The following FCGR2B variants were observed in gnomAD, a reference collection of about 807,000 sequenced individuals.
The protein encoded by FCGR2B is low affinity immunoglobulin gamma Fc region receptor II-b.
In FCGR2B, 18 loss-of-function variants were observed where a neutral mutation model predicts 24.8. The observed-to-expected ratio is 0.73, with a 90% CI of 0.50 to 1.08. The LOEUF is 1.08. FCGR2B is among the 50% of genes least tolerant of loss of function. FCGR2B has a pLI of 0.00. For missense variants in FCGR2B, 215 were observed against 297.6 expected (o/e 0.72, Z 2.04); for synonymous variants, 79 against 109.8 (o/e 0.72, Z 1.75).
chr1:161,670,936 TCTCCA>T (rs1407079403), intron 2 of FCGR2B, among the ~76,000 whole-genome samples: 2 of 150,274 alleles, frequency 1.3e-5, no homozygotes, highest in Non-Finnish European at 3.0e-5. Flanking sequence ...ATGCCTGCCA[TCTCCA>T]CCAGAGCCCC....
At chr1:161,673,269 G>A (rs1346077369) in intron 4 of FCGR2B, 40 bp downstream of exon 4, 1 of 1,584,814 alleles carries the variant, frequency 6.3e-7, no homozygotes, top group East Asian at 2.2e-5. Context: ...GGGAGAAGAG[G>A]GGATGGACAA....
At chr1:161,676,319 G>C (rs888833007) in intron 6 of FCGR2B, 3 of 198,168 alleles carry the variant, frequency 1.5e-5, no homozygotes, top group African/African-American at 6.9e-5. Flanking sequence ...CTTGCAGCAA[G>C]GTCGCATGTC....
rs2102668380 is a variant in FCGR2B at position 161,673,182 on chromosome 1, T to C, written c.599T>C (p.Ile200Thr). ...HSGDYHCTGN[I>T]GYTLYSSKPV... ...GGTGATTACCACTGCACAGGAAACATAGGCTACACGCTGTACTCATCCAAG... is the reference window on the plus strand; with the variant it reads ...GGTGATTACCACTGCACAGGAAACACAGGCTACACGCTGTACTCATCCAAG... Residue 200 changes from isoleucine (I) to threonine (T), a missense_variant, in exon 4 of 8, where the codon ATA (isoleucine) becomes ACA (threonine). By Grantham distance (89) the Ile-to-Thr change is moderately conservative. This residue lies in a region of FCGR2B where 16 missense variants were observed against 46.6 expected (regional missense o/e 0.34). Coordinates refer to ENST00000358671, the MANE Select transcript of FCGR2B (RefSeq NM_001394477.1). 3 of 1,610,486 alleles carry C rather than the reference T, an allele frequency of 1.9e-6. No homozygotes were observed. Among genetic ancestry groups the C allele is most frequent in the Non-Finnish European group, 2.5e-6 (3 of 1,178,452 alleles).
chr1:161,649,050 TTAA>T, the FCGR2B span, among the ~76,000 whole-genome samples: 2 of 150,878 alleles, frequency 1.3e-5, no homozygotes, highest in African/African-American at 2.4e-5. Context: ...CTAAAACAAG[TTAA>T]TAATGCATTC....
upstream of FCGR2B, among the ~76,000 whole-genome samples, chr1:161,661,166 GA>G (rs1200858178): frequency 4.5e-4 from 52 of 116,824 alleles, 1 homozygote; most frequent in African/African-American, 1.8e-3. Context: ...AAGAAAGAAA[GA>G]AAGAAGGAAG....
At position 161,675,294 on chromosome 1, in the gene FCGR2B, G is replaced by T. The variant is rs1235584687; in HGVS notation, c.798G>T (p.Glu266Asp). ...PGYPECREMG[E>D]TLPEKPANPT... Reference sequence around the variant, plus strand: ...ACCCTGAGTGCAGGGAAATGGGAGAGACCCTCCCTGAGAAACCAGGTGAGT... The same window carrying T: ...ACCCTGAGTGCAGGGAAATGGGAGATACCCTCCCTGAGAAACCAGGTGAGT... Residue 266 changes from glutamate (E) to aspartate (D), a missense_variant, in exon 6 of 8, where the codon GAG becomes GAT. Glu to Asp is a conservative substitution (Grantham distance 45, BLOSUM62 2). This residue lies in a region of FCGR2B where 81 missense variants were observed against 81.6 expected (regional missense o/e 0.99). Coordinates refer to ENST00000358671, the MANE Select transcript of FCGR2B (RefSeq NM_001394477.1). 3 of 1,604,522 alleles carry T rather than the reference G, an allele frequency of 1.9e-6. No homozygotes were observed. The highest frequency in any genetic ancestry group is 2.6e-6 in the Non-Finnish European group (3 of 1,175,834).
Position 161,671,449 on chromosome 1 carries a change from A to G in FCGR2B, c.191A>G (p.Glu64Gly). The G allele has an allele frequency of 6.2e-7, 1 of 1,614,214 alleles. No individual in the cohort carries two copies. Among genetic ancestry groups the G allele is most frequent in the South Asian group, 1.1e-5 (1 of 91,078 alleles). Residue 64 changes from glutamate to glycine, a missense_variant, in exon 3 of 8, where the codon GAG becomes GGG. Physicochemically the swap from Glu to Gly is moderately conservative, Grantham distance 98 (BLOSUM62 -2). Around this residue, in one of 5 missense-constraint regions of FCGR2B, gnomAD observed 77 missense variants for 68.8 expected, o/e 1.12. Transcript: ENST00000358671. ...CCCCAGTGGATCAACGTGCTCCAGG[A>G]GGACTCTGTGACTCTGACATGCCGG... ...LEPQWINVLQ[E>G]DSVTLTCRGT...
Position 161,677,757 on chromosome 1 carries a change from T to G in FCGR2B, c.*204T>G, listed in dbSNP as rs1050519. The G allele has an allele frequency of 1.8e-6, 1 of 550,884 alleles. No individual in the cohort carries two copies. Among genetic ancestry groups the G allele is most frequent in the Non-Finnish European group, 3.2e-6 (1 of 314,306 alleles). 34.1% of individuals were successfully genotyped at this position (550,884 alleles called of 1,614,324 possible). ...TGGTCCCAAATAACCGACTGCACCT[T>G]CTGTGCTTCAGCTCTTCTTGACATC... On this transcript the variant is annotated 3_prime_UTR_variant, in exon 8 of 8. Coordinates refer to ENST00000358671, the MANE Select transcript of FCGR2B (RefSeq NM_001394477.1).
chr1:161,672,712 A>T, intron 3 of FCGR2B: 1 of 571,214 alleles, frequency 1.8e-6, no homozygotes, highest in Admixed American at 3.1e-5. Flanking sequence ...GTGTATCCTG[A>T]ACACCTATTA....
At chr1:161,661,194 GAA>G (rs1371442982), upstream of FCGR2B, among the ~76,000 whole-genome samples, 2 of 9,026 alleles carry the variant, frequency 2.2e-4, 1 homozygote, top group Non-Finnish European at 4.2e-4. Flanking sequence ...AGAAAGGAAA[GAA>G]AGAAAGAAAG....
At chr1:161,647,464 C>G in the FCGR2B span, among the ~76,000 whole-genome samples, 1 of 150,422 alleles carries the variant, frequency 6.6e-6, no homozygotes, top group Non-Finnish European at 1.5e-5. Context: ...GCATGCCCGT[C>G]TAATTTTTGT....
chr1:161,672,589 T>G lies in FCGR2B; in HGVS notation c.392-386T>G, dbSNP rs1557900526. On this transcript the variant is annotated intron_variant, in intron 3 of 7. Transcript: ENST00000358671. ...CTCCTCGGTCACACTGGATTCTTCC[T>G]TCCCTCCTCGACATGGAAGAGATGG... 9.2e-6 allele frequency: 3 copies of G among 324,646 alleles called. No homozygotes were observed. In the Admixed American group the frequency reaches 1.4e-4, roughly 15 times the overall value. The allele number at this position is 324,646 out of a possible 1,614,324, so 20.1% of individuals were successfully genotyped here. A position where few individuals can be genotyped will look rare whatever the true frequency, so the allele number is the denominator to read the frequency against.
At chr1:161,676,474 T>A (rs1682147523) in intron 6 of FCGR2B, 1 of 177,604 alleles carries the variant, frequency 5.6e-6, no homozygotes, top group South Asian at 2.0e-4. Context: ...CACAAGGCAC[T>A]TTTGCAGCCA....
In FCGR2B at chr1:161,671,473, G is replaced by A. The variant is rs376821560; in HGVS notation, c.215G>A (p.Arg72Gln). ...LQEDSVTLTC[R>Q]GTHSPESDSI... ...GAGGACTCTGTGACTCTGACATGCC[G>A]GGGGACTCACAGCCCTGAGAGCGAC... is the stretch of plus-strand genomic sequence containing the variant. Residue 72 changes from arginine (R) to glutamine (Q), a missense_variant, in exon 3 of 8, where the codon CGG becomes CAG. By Grantham distance (43) the Arg-to-Gln change is conservative. This residue lies in a region of FCGR2B where 77 missense variants were observed against 68.8 expected (regional missense o/e 1.12). Coordinates refer to ENST00000358671, the MANE Select transcript of FCGR2B (RefSeq NM_001394477.1). 49 of 1,614,164 alleles carry A rather than the reference G, an allele frequency of 3.0e-5. 1 individual carries two copies. Among genetic ancestry groups the A allele is most frequent in the Middle Eastern group, 1.7e-4 (1 of 6,056 alleles).
chr1:161,675,297 C>T lies in FCGR2B; in HGVS notation c.801C>T (p.Thr267=), dbSNP rs1682023599. 5 of 1,603,444 alleles carry T rather than the reference C, an allele frequency of 3.1e-6. No homozygotes were observed. In the African/African-American group the frequency reaches 5.4e-5, roughly 17 times the overall value. Residue 267 remains threonine, a synonymous_variant, in exon 6 of 8, where the codon ACC becomes ACT. Coordinates refer to ENST00000358671, the MANE Select transcript of FCGR2B (RefSeq NM_001394477.1). Reference sequence around the variant, plus strand: ...CTGAGTGCAGGGAAATGGGAGAGACCCTCCCTGAGAAACCAGGTGAGTACA... The same window carrying T: ...CTGAGTGCAGGGAAATGGGAGAGACTCTCCCTGAGAAACCAGGTGAGTACA... ...GYPECREMGE[T]LPEKPANPTN...
chr1:161,661,082 G>GTAAAA (rs1557894617), upstream of FCGR2B, among the ~76,000 whole-genome samples: 1 of 68,280 alleles, frequency 1.5e-5, no homozygotes, highest in Admixed American at 1.5e-4. Context: ...AAGAAAGAAA[G>GTAAAA]TAAAGTAAAG....
the FCGR2B span, among the ~76,000 whole-genome samples, chr1:161,649,337 G>A: frequency 1.3e-5 from 2 of 150,846 alleles, no homozygotes; most frequent in African/African-American, 2.4e-5. Flanking sequence ...AGGTAAATCC[G>A]TTACCTTTTA....
In FCGR2B at chr1:161,671,015, G is replaced by C. The variant is rs543355546; in HGVS notation, c.134-377G>C. ...TAGTGTCTAAATGCCTTTGTTTATCGGGGAGAAAAGTTAGTCTCGAAAGAG... is the reference window on the plus strand; with the variant it reads ...TAGTGTCTAAATGCCTTTGTTTATCCGGGAGAAAAGTTAGTCTCGAAAGAG... On this transcript the variant is annotated intron_variant, in intron 2 of 7. Transcript: ENST00000358671. Among the ~76,000 whole-genome samples, 4 of 152,064 alleles carry C rather than the reference G, an allele frequency of 2.6e-5. No individual in the cohort carries two copies. The East Asian group carries it at 7.7e-4, about 29-fold the overall frequency.
chr1:161,675,568 C>G, intron 6 of FCGR2B: 1 of 393,096 alleles, frequency 2.5e-6, no homozygotes, highest in Non-Finnish European at 4.6e-6. Context: ...TTTCTGGTAC[C>G]AGGAATCTGG....
Sources: allele counts gnomAD v4.1 joint callset (sites outside exome capture counted in the v4.1 genomes callset), GRCh38; gene constraint gnomAD v4.1.1; regional missense constraint gnomAD v4.1.1; transcripts MANE v1.5; gene names NCBI Gene and HGNC (gene_info 2026-07-23, HGNC 2026-07-21).